The following CHSY3 variants were observed in gnomAD, a reference collection of about 807,000 sequenced individuals.
The protein encoded by CHSY3 is chondroitin sulfate synthase 3.
CHSY3 carries 35 observed loss-of-function variants against 67.2 expected under a neutral mutation model. The ratio of observed to expected loss-of-function variants is 0.52; its 90% CI spans 0.40 to 0.69. The LOEUF is 0.69. Among genes scored for constraint, CHSY3 ranks in the 30% least tolerant of loss-of-function variants. CHSY3 has a pLI of 0.00. For synonymous variants in CHSY3, 474 were observed against 434.7 expected (o/e 1.09, Z -1.12); for missense variants, 1,069 against 1,138.5 (o/e 0.94, Z 0.88).
At chr5:129,922,809 T>C (rs1760969508) in intron 2 of CHSY3, among the ~76,000 whole-genome samples, 1 of 152,244 alleles carries the variant, frequency 6.6e-6, no homozygotes, top group South Asian at 2.1e-4. Context: ...GTTAGCTGTT[T>C]CCTTTGTTGT....
intron 2 of CHSY3, among the ~76,000 whole-genome samples, chr5:129,956,150 T>A (rs1561471705): frequency 6.6e-6 from 1 of 152,126 alleles, no homozygotes; most frequent in Non-Finnish European, 1.5e-5. Context: ...TAATTTACAC[T>A]CCCGCCAACA....
intron 2 of CHSY3, among the ~76,000 whole-genome samples, chr5:129,964,735 G>T (rs893817646): frequency 8.6e-5 from 13 of 151,864 alleles, no homozygotes; most frequent in African/African-American, 3.1e-4. Flanking sequence ...TCATAAGACT[G>T]GTTATTAGTA....
At chr5:130,141,653 A>G (rs1768870237) in intron 2 of CHSY3, 2 of 526,778 alleles carry the variant, frequency 3.8e-6, no homozygotes, top group African/African-American at 1.9e-5. Flanking sequence ...GTTGAAAGCT[A>G]TGCATTCGAT....
intron 2 of CHSY3, among the ~76,000 whole-genome samples, chr5:130,012,032 A>T: frequency 6.6e-6 from 1 of 152,204 alleles, no homozygotes; most frequent in East Asian, 1.9e-4. Flanking sequence ...TCCACACAGC[A>T]ATTTAAAGTT....
intron 2 of CHSY3, among the ~76,000 whole-genome samples, chr5:130,084,160 C>T (rs1487035894): frequency 6.6e-6 from 1 of 151,888 alleles, no homozygotes; most frequent in Non-Finnish European, 1.5e-5. Context: ...GGCACTTTTC[C>T]ACTTGCTATT....
intron 2 of CHSY3, among the ~76,000 whole-genome samples, chr5:129,913,578 A>T (rs1018139652): frequency 6.6e-6 from 1 of 152,164 alleles, no homozygotes; most frequent in Non-Finnish European, 1.5e-5. Flanking sequence ...TTTTGTTTTT[A>T]ACAAGATCAC....
At chr5:129,987,802 A>T (rs1302044716) in intron 2 of CHSY3, among the ~76,000 whole-genome samples, 2 of 152,198 alleles carry the variant, frequency 1.3e-5, no homozygotes, top group Non-Finnish European at 2.9e-5. Context: ...GAAGAAGCAT[A>T]TTCCATTTGG....
chr5:130,115,067 A>G (rs1164818523), intron 2 of CHSY3, among the ~76,000 whole-genome samples: 1 of 150,664 alleles, frequency 6.6e-6, no homozygotes, highest in Non-Finnish European at 1.5e-5. Context: ...ATGGAAAAAT[A>G]AGCAAATTGT....
intron 2 of CHSY3, among the ~76,000 whole-genome samples, chr5:130,061,686 A>G (rs1765717618): frequency 6.6e-6 from 1 of 152,172 alleles, no homozygotes; most frequent in African/African-American, 2.4e-5. Context: ...AGAATTTATA[A>G]GGAACTCAGA....
At chr5:129,929,356 A>G (rs1761223538) in intron 2 of CHSY3, among the ~76,000 whole-genome samples, 1 of 152,240 alleles carries the variant, frequency 6.6e-6, no homozygotes, top group Non-Finnish European at 1.5e-5. Flanking sequence ...GAAACAGAAA[A>G]TTGTATCTTT....
intron 2 of CHSY3, among the ~76,000 whole-genome samples, chr5:130,122,827 T>A (rs1768091765): frequency 1.3e-5 from 2 of 152,202 alleles, no homozygotes; most frequent in South Asian, 4.1e-4. Flanking sequence ...TGTTCTTTCA[T>A]AAAACACATA....
intron 2 of CHSY3, among the ~76,000 whole-genome samples, chr5:130,178,499 G>T (rs950670249): frequency 6.6e-6 from 1 of 151,620 alleles, no homozygotes; most frequent in East Asian, 1.9e-4. Context: ...TGATCCGCCC[G>T]TCTCGGCCTC....
rs538319317 is a variant in CHSY3 at position 130,054,789 on chromosome 5, T to C, written c.1087-129440T>C. Reference sequence around the variant, plus strand: ...TAATATTATATGACTACTGAAACATTTTATTGCATTCAGACTCCACTAGTT... The same window carrying C: ...TAATATTATATGACTACTGAAACATCTTATTGCATTCAGACTCCACTAGTT... On this transcript the variant is annotated intron_variant, in intron 2 of 2. Transcript: ENST00000305031. 2.0e-5 allele frequency among the ~76,000 whole-genome samples: 3 copies of C among 152,298 alleles called. No homozygotes were observed. In the South Asian group the frequency reaches 6.2e-4, roughly 32 times the overall value.
intron 2 of CHSY3, among the ~76,000 whole-genome samples, chr5:130,173,136 C>A (rs1180524771): frequency 6.6e-6 from 1 of 151,948 alleles, no homozygotes; most frequent in Admixed American, 6.6e-5. Flanking sequence ...ACTGGACTCA[C>A]CAAGAAAAAA....
chr5:130,020,461 A>ATATT (rs1371121130), intron 2 of CHSY3, among the ~76,000 whole-genome samples: 2 of 79,932 alleles, frequency 2.5e-5, no homozygotes, highest in Non-Finnish European at 4.5e-5. Context: ...ATATATATAT[A>ATATT]TTTTTTTTTT....
chr5:130,144,709 GA>G (rs1486628572), intron 2 of CHSY3, among the ~76,000 whole-genome samples: 25 of 151,852 alleles, frequency 1.6e-4, no homozygotes, highest in Non-Finnish European at 2.8e-4. Flanking sequence ...GCAATCGTGA[GA>G]AAAAAAGAAC....
At chr5:129,926,995 C>T (rs1016624152) in intron 2 of CHSY3, among the ~76,000 whole-genome samples, 3 of 151,774 alleles carry the variant, frequency 2.0e-5, no homozygotes, top group East Asian at 1.9e-4. Flanking sequence ...GAAACCTAGG[C>T]GACCTAATGA....
chr5:129,942,177 G>A (rs1261403019), intron 2 of CHSY3, among the ~76,000 whole-genome samples: 1 of 152,124 alleles, frequency 6.6e-6, no homozygotes, highest in Non-Finnish European at 1.5e-5. Context: ...GAGGGCAGGA[G>A]AGAGATTCTG....
At chr5:129,938,855 C>T (rs934674985) in intron 2 of CHSY3, among the ~76,000 whole-genome samples, 1 of 152,200 alleles carries the variant, frequency 6.6e-6, no homozygotes, top group African/African-American at 2.4e-5. Context: ...TTCTTCTGAG[C>T]CCTGCAGCCT....
Sources: gnomAD v4.1 joint callset for allele counts (sites outside exome capture counted in the v4.1 genomes callset) on GRCh38, gnomAD v4.1.1 for gene constraint, MANE v1.5 for transcripts, NCBI Gene and HGNC (gene_info 2026-07-23, HGNC 2026-07-21) for gene names.